Variants in FGD5 observed in about 807,000 individuals in gnomAD.
The protein encoded by FGD5 is FYVE, RhoGEF and PH domain-containing protein 5.
A neutral mutation model predicts 133.4 loss-of-function variants in FGD5; 28 were observed. That is an observed-to-expected ratio of 0.21 (90% CI 0.16 to 0.29). The LOEUF (loss-of-function observed/expected upper bound fraction) is 0.29, where lower values mean the gene tolerates loss of function less well. Among genes scored for constraint, FGD5 ranks in the 10% least tolerant of loss-of-function variants. FGD5 has a pLI of 1.00. For missense variants in FGD5, 1,858 were observed against 1,895.2 expected, an observed-to-expected ratio of 0.98 and a Z score of 0.36; for synonymous variants, 810 against 776.5, an observed-to-expected ratio of 1.04 and a Z score of -0.72.
chr3:14,885,237 T>C (rs889933461), intron 4 of FGD5, among the ~76,000 whole-genome samples: 1 of 151,230 alleles, frequency 6.6e-6, no homozygotes, highest in Non-Finnish European at 1.5e-5. Context: ...TTGCCTCTAG[T>C]GGACAAGGGT....
At chr3:14,896,599 T>A (rs2125131485) in intron 4 of FGD5, among the ~76,000 whole-genome samples, 1 of 152,094 alleles carries the variant, frequency 6.6e-6, no homozygotes, top group East Asian at 1.9e-4. Flanking sequence ...GCCTCCCGAG[T>A]AGCTGGGATT....
In FGD5 at chr3:14,829,826, TC is replaced by T. The variant is rs763428873; in HGVS notation, c.2525+8231del. On this transcript the variant is annotated intron_variant, in intron 1 of 19. Coordinates refer to ENST00000285046, the MANE Select transcript of FGD5 (RefSeq NM_152536.4). ...TCCCCTCCTTCCTCCTCCCCACCTG[TC>T]AGTGCACCCCCAGATTCCTTAGAAT... 9.9e-5 allele frequency among the ~76,000 whole-genome samples: 15 copies of T among 152,176 alleles called. No homozygotes were observed. The East Asian group carries it at 2.7e-3, about 27-fold the overall frequency.
chr3:14,897,363 A>G, intron 4 of FGD5, 146 bp from the exon 5 acceptor site: 1 of 909,756 alleles, frequency 1.1e-6, no homozygotes, highest in Non-Finnish European at 1.7e-6. Context: ...TTTGTAGGTG[A>G]GACTGTTGGG....
chr3:14,866,709 T>C (rs1366558772), intron 2 of FGD5, among the ~76,000 whole-genome samples: 2 of 152,156 alleles, frequency 1.3e-5, no homozygotes, highest in Non-Finnish European at 2.9e-5. Flanking sequence ...AGGTCAGAGC[T>C]TTTGATTGAG....
At chr3:14,873,347 A>T (rs1318105458) in intron 2 of FGD5, among the ~76,000 whole-genome samples, 1 of 152,200 alleles carries the variant, frequency 6.6e-6, no homozygotes, top group African/African-American at 2.4e-5. Flanking sequence ...TCTATGTTGT[A>T]AGAGTCAGAG....
intron 4 of FGD5, among the ~76,000 whole-genome samples, chr3:14,886,518 C>A (rs1206050851): frequency 2.6e-5 from 4 of 152,202 alleles, no homozygotes; most frequent in Admixed American, 2.6e-4. Context: ...GGTGCCATGG[C>A]CAGACCCAAA....
At chr3:14,929,679 CTT>C (rs1177287915) in intron 18 of FGD5, among the ~76,000 whole-genome samples, 1 of 152,180 alleles carries the variant, frequency 6.6e-6, no homozygotes, top group Non-Finnish European at 1.5e-5. Flanking sequence ...ATTCAGATCT[CTT>C]GTCCACTTTT....
intron 1 of FGD5, among the ~76,000 whole-genome samples, chr3:14,863,474 T>G (rs1398222125): frequency 6.6e-6 from 1 of 152,220 alleles, no homozygotes; most frequent in Non-Finnish European, 1.5e-5. Context: ...AGACAGTCAG[T>G]AAATATGTGC....
chr3:14,890,464 A>AATGAGGACGGGTGC (rs1423540075), intron 4 of FGD5, among the ~76,000 whole-genome samples: 2 of 152,240 alleles, frequency 1.3e-5, no homozygotes, highest in Non-Finnish European at 2.9e-5. Context: ...TGAATAAAGG[A>AATGAGGACGGGTGC]ATGAGGACGG....
intron 11 of FGD5, among the ~76,000 whole-genome samples, chr3:14,916,120 A>G (rs2038548836): frequency 1.3e-5 from 2 of 152,212 alleles, no homozygotes; most frequent in African/African-American, 4.8e-5. Context: ...ATTTGGCCCC[A>G]TGTGAAAAGG....
At chr3:14,862,205 C>T (rs948106783) in intron 1 of FGD5, among the ~76,000 whole-genome samples, 1 of 152,130 alleles carries the variant, frequency 6.6e-6, no homozygotes, top group Non-Finnish European at 1.5e-5. Context: ...ACTGCTGCAT[C>T]CCTCATCCTT....
At chr3:14,844,524 T>C (rs1020226798) in intron 1 of FGD5, among the ~76,000 whole-genome samples, 2 of 151,756 alleles carry the variant, frequency 1.3e-5, no homozygotes, top group Non-Finnish European at 2.9e-5. Context: ...CTGACACTGC[T>C]GTGTTTGTGC....
At chr3:14,838,253 T>C (rs2036855081) in intron 1 of FGD5, among the ~76,000 whole-genome samples, 1 of 129,246 alleles carries the variant, frequency 7.7e-6, no homozygotes, top group African/African-American at 2.5e-5. Flanking sequence ...GTGAGTTGAC[T>C]CTTTCTCGTG....
At chr3:14,873,128 T>C (rs2037643855) in intron 2 of FGD5, among the ~76,000 whole-genome samples, 1 of 152,230 alleles carries the variant, frequency 6.6e-6, no homozygotes, top group South Asian at 2.1e-4. Flanking sequence ...ATGTTGTGTC[T>C]AAACTGAAAG....
intron 19 of FGD5, 133 bp downstream of exon 19, chr3:14,932,864 G>A: frequency 5.6e-6 from 6 of 1,070,284 alleles, no homozygotes; most frequent in African/African-American, 1.6e-5. Flanking sequence ...TAGCAGAACT[G>A]CAGAACTACC....
intron 1 of FGD5, among the ~76,000 whole-genome samples, chr3:14,825,509 G>A (rs1296079771): frequency 6.6e-6 from 1 of 151,964 alleles, no homozygotes; most frequent in Admixed American, 6.6e-5. Flanking sequence ...AAATAGCCGG[G>A]CATTGTGGTA....
At chr3:14,854,722 C>T (rs1002292226) in intron 1 of FGD5, among the ~76,000 whole-genome samples, 1 of 152,060 alleles carries the variant, frequency 6.6e-6, no homozygotes, top group Admixed American at 6.6e-5. Context: ...ACCTGGCCCT[C>T]TTTTATTTTT....
At chr3:14,853,349 C>T (rs1241161827) in intron 1 of FGD5, among the ~76,000 whole-genome samples, 1 of 152,138 alleles carries the variant, frequency 6.6e-6, no homozygotes, top group Non-Finnish European at 1.5e-5. Flanking sequence ...CAGCCCTCCC[C>T]TCCGCCCACT....
Position 14,898,058 on chromosome 3 carries a change from A to C in FGD5, c.3029A>C (p.His1010Pro). ...GGTCTGCTCAGTGAGAATTGCCTCC[A>C]CTCTCCCCGGCTGGCAGCTGCTGTC... is the stretch of plus-strand genomic sequence containing the variant. ...YLGLLSENCL[H>P]SPRLAAAVRE... Residue 1010 changes from histidine to proline, a missense_variant, in exon 6 of 20, where the codon CAC becomes CCC. By Grantham distance (77) the His-to-Pro change is moderately conservative. Coordinates refer to ENST00000285046, the MANE Select transcript of FGD5 (RefSeq NM_152536.4). 1 of 1,613,196 alleles carries C rather than the reference A, an allele frequency of 6.2e-7. No homozygotes were observed. Among genetic ancestry groups the C allele is most frequent in the Non-Finnish European group, 8.5e-7 (1 of 1,179,710 alleles).
Sources: gnomAD v4.1 joint callset for allele counts (sites outside exome capture counted in the v4.1 genomes callset) on GRCh38, gnomAD v4.1.1 for gene constraint, MANE v1.5 for transcripts, NCBI Gene and HGNC (gene_info 2026-07-23, HGNC 2026-07-21) for gene names.